Variants in CDK15 observed in about 807,000 individuals in gnomAD.
CDK15 encodes the protein cyclin-dependent kinase 15.
CDK15 carries 62 observed loss-of-function variants against 60.3 expected under a neutral mutation model. That is an observed-to-expected ratio of 1.03 (90% confidence interval 0.84 to 1.27). CDK15 has a LOEUF of 1.27. Ranked by LOEUF, CDK15 falls within the 50% of genes most tolerant of loss-of-function variation. The probability of loss-of-function intolerance (pLI) is 0.00; values close to 1 mark genes in which losing one functional copy is unlikely to be tolerated. For missense variants in CDK15, 541 were observed against 527.8 expected (o/e 1.03, Z -0.25); for synonymous variants, 194 against 195.7 (o/e 0.99, Z 0.07).
intron 8 of CDK15, among the ~76,000 whole-genome samples, chr2:201,846,463 A>G (rs1253859742): frequency 6.6e-6 from 1 of 150,682 alleles, no homozygotes; most frequent in African/African-American, 2.5e-5. Flanking sequence ...ACTGCACTCC[A>G]GCCTGGGCGA....
intron 9 of CDK15, among the ~76,000 whole-genome samples, chr2:201,849,642 T>C (rs1207626487): frequency 6.6e-6 from 1 of 152,124 alleles, no homozygotes; most frequent in Non-Finnish European, 1.5e-5. Flanking sequence ...CGTAAATATA[T>C]GTGAAACAAA....
At chr2:201,861,561 T>TTTTTA in intron 10 of CDK15, 1 of 956,050 alleles carries the variant, frequency 1.0e-6, no homozygotes, top group Non-Finnish European at 1.2e-6. Context: ...GTTTTTTTTT[T>TTTTTA]TTTCTTTTTT....
chr2:201,822,833 A>C lies in CDK15; in HGVS notation c.473A>C (p.His158Pro), dbSNP rs1696293002. 6.2e-7 allele frequency: 1 copy of C among 1,611,880 alleles called. No homozygotes were observed. Among genetic ancestry groups the C allele is most frequent in the Non-Finnish European group, 8.5e-7 (1 of 1,178,180 alleles). The stretch of plus-strand genomic sequence containing the variant: ...GCTTCTCTCCTGAAGGGTTTGAAAC[A>C]TGCCAATATTGTGCTCCTGCATGAC... Reference protein sequence around the residue: ...REASLLKGLKHANIVLLHDII... With the variant: ...REASLLKGLKPANIVLLHDII... Residue 158 changes from histidine (H) to proline (P), a missense_variant, in exon 5 of 14, where the codon CAT becomes CCT. His to Pro is a moderately conservative substitution (Grantham distance 77). Coordinates refer to ENST00000652192, the MANE Select transcript of CDK15 (RefSeq NM_001366386.2).
chr2:201,891,142 C>T (rs551866056), intron 13 of CDK15, among the ~76,000 whole-genome samples: 56 of 152,308 alleles, frequency 3.7e-4, no homozygotes, highest in Admixed American at 2.4e-3. Context: ...CTTCCACTCC[C>T]GGAGCAGGGA....
chr2:201,885,712 T>C (rs927126399), intron 12 of CDK15, among the ~76,000 whole-genome samples: 3 of 152,164 alleles, frequency 2.0e-5, no homozygotes, highest in Non-Finnish European at 4.4e-5. Context: ...TAAAGATAAA[T>C]AATTCAGAAA....
In CDK15 at chr2:201,894,180, T is replaced by G. The variant is rs1180850174; in HGVS notation, c.*913T>G. The stretch of plus-strand genomic sequence containing the variant: ...TGCCGTTTTATACAATGACTCCTTC[T>G]AAAAGCAGCCAGGGAAACTCAAATC... On this transcript the variant is annotated 3_prime_UTR_variant, in exon 14 of 14. Coordinates refer to ENST00000652192, the MANE Select transcript of CDK15 (RefSeq NM_001366386.2). 1 of 151,990 alleles carries G rather than the reference T, an allele frequency of 6.6e-6. No homozygotes were observed. The highest frequency in any genetic ancestry group is 1.9e-4 in the East Asian group (1 of 5,174). 9.4% of individuals were successfully genotyped at this position (151,990 alleles called of 1,614,324 possible).
intron 8 of CDK15, among the ~76,000 whole-genome samples, chr2:201,836,130 A>G (rs1353504697): frequency 1.0e-5 from 1 of 97,830 alleles, no homozygotes; most frequent in African/African-American, 3.6e-5. Flanking sequence ...TATATATTTT[A>G]TATATTTATA....
In CDK15 at chr2:201,894,090, CA is replaced by C. The variant is rs1699713016; in HGVS notation, c.*824del. 1 of 152,472 alleles carries C rather than the reference CA, an allele frequency of 6.6e-6. No individual in the cohort carries two copies. The highest frequency in any genetic ancestry group is 2.4e-5 in the African/African-American group (1 of 41,230). 9.4% of individuals were successfully genotyped at this position (152,472 alleles called of 1,614,324 possible). A position where few individuals can be genotyped will look rare whatever the true frequency, so the allele number is the denominator to read the frequency against. On this transcript the variant is annotated 3_prime_UTR_variant, in exon 14 of 14. Coordinates refer to ENST00000652192, the MANE Select transcript of CDK15 (RefSeq NM_001366386.2). Reference sequence around the variant, plus strand: ...TTGCACCACCACACACACACACACACACACACACACACACACACACACACCC... The same window carrying C: ...TTGCACCACCACACACACACACACACCACACACACACACACACACACACCC...
chr2:201,807,473 T>A, intron 1 of CDK15, 21 bp from the exon 2 acceptor site: 1 of 1,603,434 alleles, frequency 6.2e-7, no homozygotes, highest in Non-Finnish European at 8.5e-7. Context: ...ATTTTATTTC[T>A]GCTCTTTCTT....
intron 12 of CDK15, among the ~76,000 whole-genome samples, chr2:201,887,520 A>G (rs1262359824): frequency 3.3e-5 from 5 of 152,188 alleles, no homozygotes; most frequent in African/African-American, 4.8e-5. Context: ...GTTTCCCAAC[A>G]TAATGTGTTT....
chr2:201,892,187 G>T (rs967107169), intron 13 of CDK15, among the ~76,000 whole-genome samples: 1 of 152,152 alleles, frequency 6.6e-6, no homozygotes, highest in Non-Finnish European at 1.5e-5. Flanking sequence ...ATTACAATTG[G>T]TGATATAATA....
chr2:201,814,817 T>G (rs576032697), intron 4 of CDK15, among the ~76,000 whole-genome samples: 13 of 152,336 alleles, frequency 8.5e-5, no homozygotes, highest in African/African-American at 3.1e-4. Flanking sequence ...TTTTACTACA[T>G]ATATGGTCTC....
At chr2:201,811,480 G>A (rs922302551) in intron 3 of CDK15, among the ~76,000 whole-genome samples, 2 of 152,150 alleles carry the variant, frequency 1.3e-5, no homozygotes, top group Non-Finnish European at 2.9e-5. Context: ...ATTAAATATC[G>A]GATTGTACAA....
chr2:201,811,948 A>G (rs775269066), intron 3 of CDK15, among the ~76,000 whole-genome samples: 1 of 152,204 alleles, frequency 6.6e-6, no homozygotes, highest in East Asian at 1.9e-4. Context: ...TGACGTGGGC[A>G]GATCACCTGA....
At chr2:201,866,310 G>A (rs1698631701) in intron 10 of CDK15, among the ~76,000 whole-genome samples, 1 of 152,106 alleles carries the variant, frequency 6.6e-6, no homozygotes. Context: ...TCAGAATGGT[G>A]CAGTGATGTT....
At chr2:201,836,726 C>T (rs957780234) in intron 8 of CDK15, among the ~76,000 whole-genome samples, 10 of 151,022 alleles carry the variant, frequency 6.6e-5, no homozygotes, top group Admixed American at 4.0e-4. Context: ...TGTGTGTGCA[C>T]GTGCATGTGC....
intron 4 of CDK15, among the ~76,000 whole-genome samples, chr2:201,818,328 G>T (rs889073334): frequency 6.6e-5 from 10 of 152,128 alleles, no homozygotes; most frequent in Non-Finnish European, 1.5e-4. Context: ...ATTTACTTTT[G>T]TGTCTTTTCT....
At chr2:201,868,699 C>A (rs1395525145) in intron 10 of CDK15, among the ~76,000 whole-genome samples, 7 of 146,670 alleles carry the variant, frequency 4.8e-5, no homozygotes, top group Admixed American at 1.4e-4. Flanking sequence ...AAAAAAAAAA[C>A]CATCAAAAAG....
At chr2:201,880,452 T>C (rs764024531) in intron 12 of CDK15, among the ~76,000 whole-genome samples, 12 of 152,094 alleles carry the variant, frequency 7.9e-5, no homozygotes, top group South Asian at 2.1e-4. Context: ...CACTCAGAAA[T>C]TGGATGAGAT....
Sources: gnomAD v4.1 joint callset for allele counts (sites outside exome capture counted in the v4.1 genomes callset) on GRCh38, gnomAD v4.1.1 for gene constraint, MANE v1.5 for transcripts, NCBI Gene and HGNC (gene_info 2026-07-23, HGNC 2026-07-21) for gene names.